BSG: variants seen among roughly 807,000 people sequenced by gnomAD.
The protein encoded by BSG is basigin.
A neutral mutation model predicts 43.1 loss-of-function variants in BSG; 37 were observed. The observed-to-expected ratio is 0.86, with a 90% CI of 0.66 to 1.13. The LOEUF (loss-of-function observed/expected upper bound fraction) is 1.13. Among genes scored for constraint, BSG ranks in the 50% most tolerant of loss-of-function variants. The pLI, the probability that BSG is intolerant of heterozygous loss-of-function variation, is 0.00. For missense variants in BSG, 599 were observed against 554.2 expected, an observed-to-expected ratio of 1.08 and a Z score of -0.81; for synonymous variants, 309 against 238.7, an observed-to-expected ratio of 1.29 and a Z score of -2.72.
upstream of BSG, chr19:571,691 CTT>C: frequency 1.4e-6 from 1 of 730,674 alleles, no homozygotes; most frequent in East Asian, 2.6e-5. Flanking sequence ...AGCGAGACCA[CTT>C]TACTTGTACG....
intron 2 of BSG, 135 bp from the exon 3 acceptor site, chr19:579,365 G>A: frequency 8.1e-7 from 1 of 1,237,468 alleles, no homozygotes; most frequent in East Asian, 2.5e-5. Flanking sequence ...GGTCCTCGGG[G>A]CGTAAGGGCC....
chr19:571,463 G>A (rs899245969), upstream of BSG: 5 of 770,630 alleles, frequency 6.5e-6, no homozygotes, highest in South Asian at 1.3e-5. Context: ...GAACTTCAAG[G>A]GTCCTTCCTA....
At chr19:571,639 A>C, upstream of BSG, 1 of 777,984 alleles carries the variant, frequency 1.3e-6, no homozygotes, top group East Asian at 2.4e-5. Context: ...GGGGGCGGCG[A>C]GTCGGTCCCG....
intron 1 of BSG, among the ~76,000 whole-genome samples, chr19:573,335 T>A (rs1300945358): frequency 6.6e-6 from 1 of 151,974 alleles, no homozygotes; most frequent in African/African-American, 2.4e-5. Flanking sequence ...CCCCTGAGAC[T>A]CTCTGGGGCC....
chr19:573,046 T>C (rs999047841), intron 1 of BSG, among the ~76,000 whole-genome samples: 42 of 152,068 alleles, frequency 2.8e-4, no homozygotes, highest in Non-Finnish European at 5.1e-4. Context: ...CGTCTTGCTT[T>C]TCGGTCACCT....
rs1831356838 is a variant in BSG, at chr19:577,817, G to A, written c.111G>A (p.Gly37=). The change falls in exon 2 of 9, where the codon GGG becomes GGA. Residue 37 remains glycine, a synonymous_variant. Transcript: ENST00000333511. ...CGCTGTCCCAGCAGAGGTGGGTGGG[G>A]GGCAGTGTGGAGCTGCACTGCGAGG... ...QAPLSQQRWV[G]GSVELHCEAV... is the part of the protein sequence containing the mutation. The A allele has an allele frequency of 6.8e-7, 1 of 1,469,910 alleles. No individual in the cohort carries two copies. The highest frequency in any genetic ancestry group is 1.4e-5 in the South Asian group (1 of 70,738). The allele number at this position is 1,469,910 out of a possible 1,614,324, so 91.1% of individuals were successfully genotyped here.
Position 577,938 on chromosome 19 carries a change from C to G in BSG, c.232C>G (p.Arg78Gly), listed in dbSNP as rs771567524. 2 of 1,608,184 alleles carry G rather than the reference C, an allele frequency of 1.2e-6. No homozygotes were observed. Among genetic ancestry groups the G allele is most frequent in the South Asian group, 1.1e-5 (1 of 90,582 alleles). Reference sequence around the variant, plus strand: ...GCTCTGGGACGGCGCCCGGCTGGACCGCGTCCACATCCACGCCACCTACCA... The same window carrying G: ...GCTCTGGGACGGCGCCCGGCTGGACGGCGTCCACATCCACGCCACCTACCA... ...SQLWDGARLDRVHIHATYHQH... is the reference protein window; with the variant it reads ...SQLWDGARLDGVHIHATYHQH... The change falls in exon 2 of 9, where the codon CGC (arginine) becomes GGC (glycine). Residue 78 changes from arginine to glycine, a missense_variant. Arg to Gly is a moderately radical substitution (Grantham distance 125, BLOSUM62 -2). Coordinates refer to ENST00000333511, the MANE Select transcript of BSG (RefSeq NM_001728.4).
chr19:574,935 G>C (rs997041278), intron 1 of BSG: 2 of 152,304 alleles, frequency 1.3e-5, no homozygotes, highest in Non-Finnish European at 2.9e-5. Flanking sequence ...GCCTGACTGG[G>C]TTTCAAGCAC....
At position 577,644 on chromosome 19, in the gene BSG, C is replaced by T. The variant is rs1038827424; in HGVS notation, c.68-130C>T. 6.6e-5 allele frequency: 49 copies of T among 746,136 alleles called. No homozygotes were observed. The East Asian group carries it at 1.6e-3, about 24-fold the overall frequency. The allele number at this position is 746,136 out of a possible 1,614,324, so 46.2% of individuals were successfully genotyped here. A position where few individuals can be genotyped will look rare whatever the true frequency, so the allele number is the denominator to read the frequency against. On this transcript the variant is annotated intron_variant, in intron 1 of 8. Coordinates refer to ENST00000333511, the MANE Select transcript of BSG (RefSeq NM_001728.4). ...GTTTCCAGCCGGGCCCCATCACTCT[C>T]CCACAAGCTGAAAGGAAGTGGCTTC...
At position 578,097 on chromosome 19, in the gene BSG, C is replaced by G. The variant is rs769469306; in HGVS notation, c.391C>G (p.Gln131Glu). Reference protein sequence around the residue: ...RAPRVKWVRAQAVVLVLEPGT... With the variant: ...RAPRVKWVRAEAVVLVLEPGT... ...GCCCAGGGTCAAGTGGGTCCGCGCC[C>G]AGGCAGTCGTGCTAGTCCTGGAACG... The change falls in exon 2 of 9, where the codon CAG becomes GAG. Residue 131 changes from glutamine to glutamate, a missense_variant. Transcript: ENST00000333511. 3 of 1,591,436 alleles carry G rather than the reference C, an allele frequency of 1.9e-6. No homozygotes were observed. Among genetic ancestry groups the G allele is most frequent in the Admixed American group, 3.4e-5 (2 of 58,516 alleles).
intron 2 of BSG, 77 bp from the exon 3 acceptor site, chr19:579,423 C>A: frequency 4.4e-6 from 7 of 1,583,086 alleles, no homozygotes; most frequent in Non-Finnish European, 5.2e-6. Context: ...GGAGGAGCCG[C>A]AGGTTCCTGG....
Position 579,452 on chromosome 19 carries a change from G to T in BSG, c.416-48G>T, listed in dbSNP as rs746879921. ...TTCCTGGGGGTCAGGCAGGCAGCGCGGGCCGTGCTCCTCCACTCTGCTGAC... is the reference window on the plus strand; with the variant it reads ...TTCCTGGGGGTCAGGCAGGCAGCGCTGGCCGTGCTCCTCCACTCTGCTGAC... On this transcript the variant is annotated intron_variant, in intron 2 of 8. Transcript: ENST00000333511. The T allele has an allele frequency of 3.1e-6, 5 of 1,607,772 alleles. No individual in the cohort carries two copies. The Admixed American group carries it at 8.3e-5, about 27-fold the overall frequency.
At chr19:582,089 C>G (rs1442480070) in intron 6 of BSG, among the ~76,000 whole-genome samples, 1 of 152,194 alleles carries the variant, frequency 6.6e-6, no homozygotes, top group Non-Finnish European at 1.5e-5. Flanking sequence ...GGGGACAGCT[C>G]ACCATGGGGA....
At chr19:581,010 G>A (rs1250453666) in intron 5 of BSG, among the ~76,000 whole-genome samples, 3 of 129,376 alleles carry the variant, frequency 2.3e-5, no homozygotes, top group Non-Finnish European at 4.9e-5. Flanking sequence ...CAGCCCTCCG[G>A]ACTGGGTGAG....
Position 582,583 on chromosome 19 carries a change from G to C in BSG, c.*5+1G>C. On this transcript the variant is annotated splice_donor_variant, in intron 8 of 8. Transcript: ENST00000333511. LOFTEE classifies it low-confidence loss of function (3UTR_SPLICE). ...GCCAGAGGAACTCTTCCTGAGGCAGGTGCGGTGGGCGGGAGCTCCTCCTGA... is the reference window on the plus strand; with the variant it reads ...GCCAGAGGAACTCTTCCTGAGGCAGCTGCGGTGGGCGGGAGCTCCTCCTGA... 6.3e-7 allele frequency: 1 copy of C among 1,592,184 alleles called. No individual in the cohort carries two copies. The highest frequency in any genetic ancestry group is 1.1e-5 in the South Asian group (1 of 87,874).
chr19:580,554 C>A (rs1030369040), intron 4 of BSG, 92 bp from the exon 5 acceptor site: 3 of 1,604,144 alleles, frequency 1.9e-6, no homozygotes, highest in African/African-American at 2.7e-5. Context: ...CCCTGGCCCC[C>A]TGCTCCCTGG....
chr19:580,327 G>A, intron 3 of BSG, 52 bp from the exon 4 acceptor site: 1 of 1,557,716 alleles, frequency 6.4e-7, no homozygotes, highest in Admixed American at 1.7e-5. Context: ...CTGGGTCCTT[G>A]GAGGCGTCCT....
chr19:579,029 C>A (rs1250398417), intron 2 of BSG: 2 of 456,484 alleles, frequency 4.4e-6, no homozygotes, highest in Non-Finnish European at 8.8e-6. Context: ...CGCGCCCGGC[C>A]ACCACCGCGC....
At chr19:572,313 C>T (rs1981310114), upstream of BSG, 1 of 904,596 alleles carries the variant, frequency 1.1e-6, no homozygotes, top group Non-Finnish European at 1.3e-6. Context: ...GCTCTGCGCT[C>T]ATTGCAACTT....
Sources: gnomAD v4.1 joint callset for allele counts (sites outside exome capture counted in the v4.1 genomes callset) on GRCh38, gnomAD v4.1.1 for gene constraint, MANE v1.5 for transcripts, NCBI Gene and HGNC (gene_info 2026-07-23, HGNC 2026-07-21) for gene names.